PCDHGC3: variants seen among roughly 807,000 people sequenced by gnomAD.
PCDHGC3 encodes protocadherin gamma-C3.
A neutral mutation model predicts 59.2 loss-of-function variants in PCDHGC3; 26 were observed. The ratio of observed to expected loss-of-function variants is 0.44; its 90% CI spans 0.32 to 0.61. The LOEUF (loss-of-function observed/expected upper bound fraction) is 0.61. PCDHGC3 is among the 20% of genes least tolerant of loss of function. The pLI is 0.05. For synonymous variants in PCDHGC3, 487 were observed against 519.7 expected (o/e 0.94, Z 0.86); for missense variants, 1,080 against 1,221.8 (o/e 0.88, Z 1.73).
At chr5:141,479,241 G>T (rs2099490987) in intron 1 of PCDHGC3, 1 of 152,174 alleles carries the variant, frequency 6.6e-6, no homozygotes, top group Admixed American at 6.5e-5. Context: ...CAAACCCAAA[G>T]ATAACCATTT....
chr5:141,485,607 C>T lies in PCDHGC3; in HGVS notation c.2430+7061C>T. On this transcript the variant is annotated intron_variant, in intron 1 of 3. Coordinates refer to ENST00000308177, the MANE Select transcript of PCDHGC3 (RefSeq NM_002588.4). The surrounding 1 kb of genome is among the most constrained non-coding windows in gnomAD (Gnocchi z 5.7). ...CAGCTGGACTTGGAAATTGGGGAGG[C>T]AGCTCCTCCAGGACAGCGTTTCCCG... is the stretch of plus-strand genomic sequence containing the variant. 1 of 1,612,008 alleles carries T rather than the reference C, an allele frequency of 6.2e-7. No individual in the cohort carries two copies. The highest frequency in any genetic ancestry group is 8.5e-7 in the Non-Finnish European group (1 of 1,178,534).
At position 141,485,184 on chromosome 5, in the gene PCDHGC3, A is replaced by G. The variant is rs1415940980; in HGVS notation, c.2430+6638A>G. ...TAGCGGGCGGCAGCAATGCTCCGCA[A>G]GGTGAGAAGCTGGACAGAAATCTGG... On this transcript the variant is annotated intron_variant, in intron 1 of 3. Transcript: ENST00000308177. This position sits in a 1 kb window ranked among gnomAD's most constrained non-coding sequence, Gnocchi z 5.7. The G allele has an allele frequency of 6.2e-7, 1 of 1,613,152 alleles. No individual in the cohort carries two copies. The highest frequency in any genetic ancestry group is 1.3e-5 in the African/African-American group (1 of 74,938).
At position 141,487,235 on chromosome 5, in the gene PCDHGC3, C is replaced by A. The variant is rs752316565; in HGVS notation, c.2431-7572C>A. ...TTCAGCTCCAAGGGAAGGAGAATCT[C>A]GTCTAACCCTCTACTTGGCTGTGTC... On this transcript the variant is annotated intron_variant, in intron 1 of 3. Coordinates refer to ENST00000308177, the MANE Select transcript of PCDHGC3 (RefSeq NM_002588.4). This position sits in a 1 kb window ranked among gnomAD's most constrained non-coding sequence, Gnocchi z 5.0. 11 of 1,614,126 alleles carry A rather than the reference C, an allele frequency of 6.8e-6. No homozygotes were observed. The highest frequency in any genetic ancestry group is 7.6e-6 in the Non-Finnish European group (9 of 1,179,994).
At chr5:141,482,530 C>CAAAAAA (rs3074545) in intron 1 of PCDHGC3, among the ~76,000 whole-genome samples, 68 of 76,370 alleles carry the variant, frequency 8.9e-4, no homozygotes, top group African/African-American at 1.2e-3. Context: ...GACAGACATG[C>CAAAAAA]AAAAAAAAAA....
intron 2 of PCDHGC3, among the ~76,000 whole-genome samples, chr5:141,497,483 C>T (rs1039341023): frequency 6.6e-6 from 1 of 150,378 alleles, no homozygotes; most frequent in Non-Finnish European, 1.5e-5. Context: ...AGGTGCGGAA[C>T]CTCTCTCTCT....
chr5:141,511,028 T>C lies in PCDHGC3; in HGVS notation c.2660T>C (p.Leu887Pro). ...GCCCGCTACGGACCCCAGTTCACCC[T>C]GCAGCACGTGCCCGACTACCGCCAG... ...LSARYGPQFTLQHVPDYRQNV... is the reference protein window; with the variant it reads ...LSARYGPQFTPQHVPDYRQNV... The change falls in exon 4 of 4, where the codon CTG becomes CCG. Residue 887 changes from leucine (L) to proline (P), a missense_variant. Leu to Pro is a moderately conservative substitution (Grantham distance 98, BLOSUM62 -3). Transcript: ENST00000308177. 1 of 1,614,202 alleles carries C rather than the reference T, an allele frequency of 6.2e-7. No homozygotes were observed. Among genetic ancestry groups the C allele is most frequent in the Non-Finnish European group, 8.5e-7 (1 of 1,180,028 alleles).
Position 141,489,712 on chromosome 5 carries a change from C to T in PCDHGC3, c.2431-5095C>T. On this transcript the variant is annotated intron_variant, in intron 1 of 3. Coordinates refer to ENST00000308177, the MANE Select transcript of PCDHGC3 (RefSeq NM_002588.4). The surrounding 1 kb of genome is among the most constrained non-coding windows in gnomAD (Gnocchi z 4.5). The stretch of plus-strand genomic sequence containing the variant: ...GGCACGATTCCCACTGGACAGTGCC[C>T]AGGATCCGGATGTGGGCACCAATAC... The T allele has an allele frequency of 6.2e-7, 1 of 1,614,162 alleles. No individual in the cohort carries two copies. The highest frequency in any genetic ancestry group is 1.1e-5 in the South Asian group (1 of 91,078).
chr5:141,489,944 T>C lies in PCDHGC3; in HGVS notation c.2431-4863T>C. On this transcript the variant is annotated intron_variant, in intron 1 of 3. Coordinates refer to ENST00000308177, the MANE Select transcript of PCDHGC3 (RefSeq NM_002588.4). The surrounding 1 kb of genome is among the most constrained non-coding windows in gnomAD (Gnocchi z 4.5). Reference sequence around the variant, plus strand: ...CTTATCTCTGTCATCGTGCTGGACATCAATGATAATGCTCCAACCTTCCAA... The same window carrying C: ...CTTATCTCTGTCATCGTGCTGGACACCAATGATAATGCTCCAACCTTCCAA... 6.2e-7 allele frequency: 1 copy of C among 1,614,172 alleles called. No homozygotes were observed. Among genetic ancestry groups the C allele is most frequent in the Non-Finnish European group, 8.5e-7 (1 of 1,180,010 alleles).
intron 3 of PCDHGC3, among the ~76,000 whole-genome samples, chr5:141,506,564 G>A (rs984395438): frequency 5.3e-5 from 8 of 152,016 alleles, no homozygotes; most frequent in East Asian, 1.9e-4. Context: ...AAACCCCCTC[G>A]GTTTCACTTA....
chr5:141,489,166 C>A lies in PCDHGC3; in HGVS notation c.2431-5641C>A. The A allele has an allele frequency of 9.1e-7, 1 of 1,099,536 alleles. No individual in the cohort carries two copies. The highest frequency in any genetic ancestry group is 1.3e-6 in the Non-Finnish European group (1 of 761,554). The allele number at this position is 1,099,536 out of a possible 1,614,324, so 68.1% of individuals were successfully genotyped here. ...AAGGAGACATAAGAGACTTCAGCTGCTGCATTCCAAGCCCTGGGTCTACCT... is the reference window on the plus strand; with the variant it reads ...AAGGAGACATAAGAGACTTCAGCTGATGCATTCCAAGCCCTGGGTCTACCT... On this transcript the variant is annotated intron_variant, in intron 1 of 3. Transcript: ENST00000308177. This position sits in a 1 kb window ranked among gnomAD's most constrained non-coding sequence, Gnocchi z 4.5.
Position 141,485,092 on chromosome 5 carries a change from G to C in PCDHGC3, c.2430+6546G>C, listed in dbSNP as rs2099606725. 3.8e-6 allele frequency: 4 copies of C among 1,065,492 alleles called. No homozygotes were observed. Among genetic ancestry groups the C allele is most frequent in the Non-Finnish European group, 5.6e-6 (4 of 708,358 alleles). The allele number at this position is 1,065,492 out of a possible 1,614,324, so 66.0% of individuals were successfully genotyped here. A position where few individuals can be genotyped will look rare whatever the true frequency, so the allele number is the denominator to read the frequency against. Reference sequence around the variant, plus strand: ...CTGGCGCGGGGAAAGGGAGATAGGTGTCTCCAGCTGCTGTGGCTGTTTGGG... The same window carrying C: ...CTGGCGCGGGGAAAGGGAGATAGGTCTCTCCAGCTGCTGTGGCTGTTTGGG... On this transcript the variant is annotated intron_variant, in intron 1 of 3. Coordinates refer to ENST00000308177, the MANE Select transcript of PCDHGC3 (RefSeq NM_002588.4). This position sits in a 1 kb window ranked among gnomAD's most constrained non-coding sequence, Gnocchi z 5.7.
Position 141,476,217 on chromosome 5 carries a change from A to G in PCDHGC3, c.101A>G (p.His34Arg). The change falls in exon 1 of 4, where the codon CAC becomes CGC. Residue 34 changes from histidine (H) to arginine (R), a missense_variant. By Grantham distance (29) the His-to-Arg change is conservative (BLOSUM62 0). Coordinates refer to ENST00000308177, the MANE Select transcript of PCDHGC3 (RefSeq NM_002588.4). This position sits in a 1 kb window ranked among gnomAD's most constrained non-coding sequence, Gnocchi z 7.6. ...GALNKASTVI[H>R]YEIPEEREKG... ...TTGAACAAGGCTTCCACGGTCATTC[A>G]CTATGAGATCCCGGAGGAAAGAGAG... The G allele has an allele frequency of 6.2e-7, 1 of 1,613,836 alleles. No homozygotes were observed. The highest frequency in any genetic ancestry group is 2.2e-5 in the East Asian group (1 of 44,818).
intron 3 of PCDHGC3, among the ~76,000 whole-genome samples, chr5:141,508,837 A>C (rs1596180024): frequency 6.7e-6 from 1 of 149,276 alleles, no homozygotes; most frequent in Non-Finnish European, 1.5e-5. Context: ...CCCCTCCCCT[A>C]CCCCTTCCAT....
chr5:141,495,752 C>G (rs1310125902), intron 2 of PCDHGC3, among the ~76,000 whole-genome samples: 1 of 152,150 alleles, frequency 6.6e-6, no homozygotes, highest in Non-Finnish European at 1.5e-5. Flanking sequence ...TTCTCTATCT[C>G]TGCCTCCCTG....
chr5:141,481,475 C>T (rs1423011632), intron 1 of PCDHGC3, among the ~76,000 whole-genome samples: 1 of 152,200 alleles, frequency 6.6e-6, no homozygotes, highest in Non-Finnish European at 1.5e-5. Context: ...TTGGATTATA[C>T]ACTTTAAATA....
At chr5:141,505,154 C>T (rs1443235547) in intron 2 of PCDHGC3, among the ~76,000 whole-genome samples, 2 of 152,028 alleles carry the variant, frequency 1.3e-5, no homozygotes, top group Non-Finnish European at 2.9e-5. Flanking sequence ...AGAGTAAGAC[C>T]CTGTCTAAAA....
rs1029237740 is a variant in PCDHGC3, at chr5:141,500,358, A to G, written c.2490-5035A>G. ...AGAATAGCTGGGACTACAGGCGCCC[A>G]CTACCACGCCCGGCTAATTATTTTG... On this transcript the variant is annotated intron_variant, in intron 2 of 3. Coordinates refer to ENST00000308177, the MANE Select transcript of PCDHGC3 (RefSeq NM_002588.4). Among the ~76,000 whole-genome samples, 5 of 151,706 alleles carry G rather than the reference A, an allele frequency of 3.3e-5. No homozygotes were observed. In the South Asian group the frequency reaches 6.3e-4, roughly 19 times the overall value.
Position 141,493,034 on chromosome 5 carries a change from G to A in PCDHGC3, c.2431-1773G>A, listed in dbSNP as rs75211372. 6.6e-6 allele frequency among the ~76,000 whole-genome samples: 1 copy of A among 152,230 alleles called. No homozygotes were observed. Among genetic ancestry groups the A allele is most frequent in the African/African-American group, 2.4e-5 (1 of 41,458 alleles). On this transcript the variant is annotated intron_variant, in intron 1 of 3. Transcript: ENST00000308177. This position sits in a 1 kb window ranked among gnomAD's most constrained non-coding sequence, Gnocchi z 4.3. ...GCCAGATGCCAGGGTGCCCTTATGTGTGAGGAAACTACAATAGTAAAAAAC... is the reference window on the plus strand; with the variant it reads ...GCCAGATGCCAGGGTGCCCTTATGTATGAGGAAACTACAATAGTAAAAAAC...
At chr5:141,510,814 C>T in intron 3 of PCDHGC3, 133 bp from the exon 4 acceptor site, 2 of 1,544,688 alleles carry the variant, frequency 1.3e-6, no homozygotes, top group East Asian at 4.6e-5. Context: ...TTGGTGACCC[C>T]TATATTCCCA....
Sources: allele counts gnomAD v4.1 joint callset (sites outside exome capture counted in the v4.1 genomes callset), GRCh38; gene constraint gnomAD v4.1.1; non-coding constraint Gnocchi (gnomAD v3.1); transcripts MANE v1.5; gene names NCBI Gene and HGNC (gene_info 2026-07-23, HGNC 2026-07-21).